Variants in ADGRL3 observed in about 807,000 individuals in gnomAD.
The protein encoded by ADGRL3 is calcium-independent alpha-latrotoxin receptor 3.
ADGRL3 carries 62 observed loss-of-function variants against 153.5 expected under a neutral mutation model. The ratio of observed to expected loss-of-function variants is 0.40; its 90% CI spans 0.33 to 0.50. The LOEUF (loss-of-function observed/expected upper bound fraction) is 0.50, where lower values mean the gene tolerates loss of function less well. Among genes scored for constraint, ADGRL3 ranks in the 20% least tolerant of loss-of-function variants. The pLI is 0.47. For missense variants in ADGRL3, 1,641 were observed against 1,859.4 expected (o/e 0.88, Z 2.16); for synonymous variants, 710 against 672.5 (o/e 1.06, Z -0.86).
chr4:61,607,678 T>A (rs933064439), intron 5 of ADGRL3, among the ~76,000 whole-genome samples: 2 of 152,186 alleles, frequency 1.3e-5, no homozygotes, highest in Non-Finnish European at 2.9e-5. Flanking sequence ...TCTTGTAACC[T>A]CTGGCTACCT....
intron 1 of ADGRL3, among the ~76,000 whole-genome samples, chr4:61,306,879 A>G (rs1043990936): frequency 2.0e-5 from 3 of 152,230 alleles, no homozygotes; most frequent in South Asian, 2.1e-4. Context: ...TATAGAGCAA[A>G]GAAATTGTGT....
intron 1 of ADGRL3, among the ~76,000 whole-genome samples, chr4:61,261,456 G>A (rs1331127513): frequency 6.6e-6 from 1 of 151,892 alleles, no homozygotes; most frequent in Non-Finnish European, 1.5e-5. Flanking sequence ...TTGGTATCTG[G>A]GACTTTTTGG....
chr4:61,575,438 C>G (rs2098868677), intron 4 of ADGRL3, among the ~76,000 whole-genome samples: 1 of 151,954 alleles, frequency 6.6e-6, no homozygotes, highest in African/African-American at 2.4e-5. Context: ...ATGGATGAAA[C>G]TGTGGTATGT....
intron 6 of ADGRL3, among the ~76,000 whole-genome samples, chr4:61,706,327 C>A (rs1239341119): frequency 6.6e-6 from 1 of 150,832 alleles, no homozygotes; most frequent in Non-Finnish European, 1.5e-5. Context: ...GAGGCTGAGG[C>A]AGGAGAATTG....
chr4:61,710,920 A>G (rs1184672296), intron 6 of ADGRL3, among the ~76,000 whole-genome samples: 1 of 152,160 alleles, frequency 6.6e-6, no homozygotes, highest in Non-Finnish European at 1.5e-5. Flanking sequence ...ATGCTATGAC[A>G]TGACTCTACT....
chr4:61,936,107 T>A (rs1342029191), intron 15 of ADGRL3, 62 bp downstream of exon 15: 24 of 1,575,290 alleles, frequency 1.5e-5, no homozygotes, highest in Non-Finnish European at 1.8e-5. Context: ...CATTTCTTTT[T>A]GGCCGGGAAT....
chr4:61,396,948 ATATTAT>A (rs72231913), intron 2 of ADGRL3, among the ~76,000 whole-genome samples: 16 of 148,326 alleles, frequency 1.1e-4, no homozygotes, highest in East Asian at 2.0e-4. Context: ...AGTAAGGAAT[ATATTAT>A]TATTATTATT....
rs1283003612 is a variant in ADGRL3 at position 62,071,077 on chromosome 4, C to T, written c.*169C>T. 5.1e-6 allele frequency: 3 copies of T among 588,900 alleles called. No homozygotes were observed. The highest frequency in any genetic ancestry group is 8.7e-6 in the Non-Finnish European group (3 of 345,076). 36.5% of individuals were successfully genotyped at this position (588,900 alleles called of 1,614,324 possible). A position where few individuals can be genotyped will look rare whatever the true frequency, so the allele number is the denominator to read the frequency against. ...TTTTTTAATGGGATTTTTAGGTCAG[C>T]CCAGGGGAGAAAGATAACTGCTAAA... On this transcript the variant is annotated 3_prime_UTR_variant, in exon 27 of 27. Coordinates refer to ENST00000683033, the MANE Select transcript of ADGRL3 (RefSeq NM_001387552.1).
At chr4:61,624,898 A>T (rs2149902396) in intron 5 of ADGRL3, among the ~76,000 whole-genome samples, 1 of 152,264 alleles carries the variant, frequency 6.6e-6, no homozygotes, top group African/African-American at 2.4e-5. Context: ...TCTATTTTTT[A>T]AAACTTATAA....
At chr4:61,419,246 T>G (rs1352282825) in intron 2 of ADGRL3, among the ~76,000 whole-genome samples, 2 of 150,902 alleles carry the variant, frequency 1.3e-5, no homozygotes, top group Admixed American at 1.3e-4. Flanking sequence ...TCCTAAGGTA[T>G]ATTTCTGATC....
chr4:61,647,028 C>T (rs574500125), intron 5 of ADGRL3, among the ~76,000 whole-genome samples: 4 of 152,106 alleles, frequency 2.6e-5, no homozygotes, highest in African/African-American at 9.7e-5. Context: ...GGGTGGGAGT[C>T]ACTCGATTTT....
chr4:61,225,750 T>C (rs1227498797), intron 1 of ADGRL3, among the ~76,000 whole-genome samples: 1 of 152,200 alleles, frequency 6.6e-6, no homozygotes, highest in Non-Finnish European at 1.5e-5. Context: ...GCTTGCTTCA[T>C]TCTTAAGGAG....
At chr4:61,365,075 A>G (rs1330339352) in intron 1 of ADGRL3, among the ~76,000 whole-genome samples, 1 of 152,194 alleles carries the variant, frequency 6.6e-6, no homozygotes, top group Non-Finnish European at 1.5e-5. Context: ...TAAGTATTAT[A>G]AGTTAATATC....
chr4:61,330,049 G>A (rs1025738120), intron 1 of ADGRL3, among the ~76,000 whole-genome samples: 1 of 152,158 alleles, frequency 6.6e-6, no homozygotes, highest in African/African-American at 2.4e-5. Flanking sequence ...GGTTATCTTT[G>A]CATTGTGCAT....
At chr4:61,638,119 T>C (rs12642037) in intron 5 of ADGRL3, among the ~76,000 whole-genome samples, 64,618 of 152,016 alleles carry the variant, frequency 0.43, 15,855 homozygotes, top group African/African-American at 0.66. Context: ...TTGATAATAG[T>C]CAAAATCAGG....
intron 2 of ADGRL3, among the ~76,000 whole-genome samples, chr4:61,398,329 C>A (rs186195514): frequency 1.3e-5 from 2 of 151,630 alleles, no homozygotes; most frequent in East Asian, 3.9e-4. Context: ...CATTAAATAT[C>A]ATGGAGTGAG....
At chr4:61,547,274 CTT>C (rs936766109) in intron 4 of ADGRL3, among the ~76,000 whole-genome samples, 3 of 142,800 alleles carry the variant, frequency 2.1e-5, no homozygotes, top group Non-Finnish European at 1.5e-5. Context: ...GTTTTTTTTA[CTT>C]TTTTTTTTTT....
At chr4:61,916,231 A>G (rs1039797787) in intron 13 of ADGRL3, among the ~76,000 whole-genome samples, 2 of 152,180 alleles carry the variant, frequency 1.3e-5, no homozygotes, top group Admixed American at 6.6e-5. Context: ...CAAGAGTTTT[A>G]ACAACAAAAA....
chr4:61,975,654 G>C (rs2099045341), intron 17 of ADGRL3, among the ~76,000 whole-genome samples: 1 of 152,126 alleles, frequency 6.6e-6, no homozygotes, highest in Admixed American at 6.5e-5. Context: ...GGCCAATGTA[G>C]GGAGATCAGT....
Sources: gnomAD v4.1 joint callset for allele counts (sites outside exome capture counted in the v4.1 genomes callset) on GRCh38, gnomAD v4.1.1 for gene constraint, MANE v1.5 for transcripts, NCBI Gene and HGNC (gene_info 2026-07-23, HGNC 2026-07-21) for gene names.